DICER1: variants seen among roughly 807,000 people sequenced by gnomAD.
DICER1 encodes the protein endoribonuclease Dicer.
A neutral mutation model predicts 194.1 loss-of-function variants in DICER1; 43 were observed. That is an observed-to-expected ratio of 0.22 (90% confidence interval 0.17 to 0.29). The LOEUF (loss-of-function observed/expected upper bound fraction) is 0.29. DICER1 is among the 10% of genes least tolerant of loss of function. The probability of loss-of-function intolerance (pLI) is 1.00; values close to 1 mark genes in which losing one functional copy is unlikely to be tolerated. For synonymous variants in DICER1, 832 were observed against 820.5 expected (o/e 1.01, Z -0.24); for missense variants, 1,608 against 2,317.0 (o/e 0.69, Z 6.28).
chr14:95,130,822 A>AGG (rs1893890229), intron 4 of DICER1, among the ~76,000 whole-genome samples: 1 of 152,214 alleles, frequency 6.6e-6, no homozygotes, highest in Non-Finnish European at 1.5e-5. Context: ...ACATTCAGTT[A>AGG]GAGGAAGTCT....
intron 20 of DICER1, among the ~76,000 whole-genome samples, 186 bp from the exon 21 acceptor site, chr14:95,104,312 A>G (rs1312820046): frequency 6.6e-6 from 1 of 152,206 alleles, no homozygotes; most frequent in Non-Finnish European, 1.5e-5. Context: ...GGTTTTATCT[A>G]CTGCTTTAAT....
chr14:95,101,036 G>A (rs1890834010), intron 21 of DICER1, among the ~76,000 whole-genome samples: 1 of 152,220 alleles, frequency 6.6e-6, no homozygotes, highest in Non-Finnish European at 1.5e-5. Flanking sequence ...GGACTCATGG[G>A]AGGGAAATCA....
rs2140279093 is a variant in DICER1, at chr14:95,131,569, G to A, written c.378C>T (p.Asn126=). ...TTGTCCAAGATGCATTTACTTCTAG[G>A]TTTGAGTATTCCCCAACCTTGAGAT... ...HSDLKVGEYS[N]LEVNASWTKE... Residue 126 remains asparagine, a synonymous_variant, in exon 4 of 27, where the codon AAC becomes AAT. Transcript: ENST00000343455. 2 of 1,613,282 alleles carry A rather than the reference G, an allele frequency of 1.2e-6. No individual in the cohort carries two copies. Among genetic ancestry groups the A allele is most frequent in the Non-Finnish European group, 1.7e-6 (2 of 1,179,268 alleles).
chr14:95,102,834 A>G (rs1891004861), intron 21 of DICER1, among the ~76,000 whole-genome samples: 1 of 152,086 alleles, frequency 6.6e-6, no homozygotes, highest in Non-Finnish European at 1.5e-5. Flanking sequence ...CACACTGGAG[A>G]GCAGCCAAGC....
At chr14:95,133,541 C>G in intron 1 of DICER1, 38 bp from the exon 2 acceptor site, 2 of 1,442,122 alleles carry the variant, frequency 1.4e-6, no homozygotes, top group Non-Finnish European at 1.9e-6. Context: ...CACAATCATG[C>G]AGGGTTAAAA....
In DICER1 at chr14:95,111,344, C is replaced by T. The variant is rs753276132; in HGVS notation, c.2229G>A (p.Thr743=). ...CTTTTGGGTAGCACTGCCTTCGTTT[C>T]GTGGAACCTGGTCTTCCTGGAACAC... The part of the protein sequence containing the change: ...ETSVPGRPGS[T]KRRQCYPKAI... Residue 743 remains threonine, a synonymous_variant, in exon 14 of 27, where the codon ACG becomes ACA. Transcript: ENST00000343455. 26 of 1,614,064 alleles carry T rather than the reference C, an allele frequency of 1.6e-5. No individual in the cohort carries two copies. Among genetic ancestry groups the T allele is most frequent in the Non-Finnish European group, 2.0e-5 (24 of 1,180,036 alleles).
intron 26 of DICER1, 83 bp from the exon 27 acceptor site, chr14:95,090,746 G>A: frequency 1.3e-6 from 2 of 1,501,890 alleles, no homozygotes; most frequent in Admixed American, 1.7e-5. Flanking sequence ...GCACTCTCAG[G>A]CCAGGAGTCC....
At chr14:95,135,179 C>CCTCCACAATT (rs1467383648) in intron 1 of DICER1, among the ~76,000 whole-genome samples, 1 of 152,208 alleles carries the variant, frequency 6.6e-6, no homozygotes, top group African/African-American at 2.4e-5. Flanking sequence ...TCTCGTGATA[C>CCTCCACAATT]CTCCACAATT....
chr14:95,115,573 T>G lies in DICER1; in HGVS notation c.1907+94A>C, dbSNP rs1364586382. On this transcript the variant is annotated intron_variant, in intron 11 of 26. Transcript: ENST00000343455. ...TATGGCAAGTCTAAGTAAAGACTGG[T>G]AACCGCAAAATGTCAACAATACAAA... 2.9e-6 allele frequency: 4 copies of G among 1,388,734 alleles called. No homozygotes were observed. In the African/African-American group the frequency reaches 5.7e-5, roughly 20 times the overall value. 86.0% of individuals were successfully genotyped at this position (1,388,734 alleles called of 1,614,324 possible).
intron 17 of DICER1, among the ~76,000 whole-genome samples, chr14:95,107,221 C>T (rs1038497521): frequency 6.6e-6 from 1 of 151,870 alleles, no homozygotes; most frequent in African/African-American, 2.4e-5. Flanking sequence ...GCTAAAATCA[C>T]AGCCCACTTA....
At position 95,105,291 on chromosome 14, in the gene DICER1, C is replaced by T. The variant is rs147997452; in HGVS notation, c.3094-45G>A. ...TGGACAGATAAATACAAAGCGCACA[C>T]ACAAAAGAAAAAAAAAAAGACCAAT... On this transcript the variant is annotated intron_variant, in intron 19 of 26. Transcript: ENST00000343455. The surrounding 1 kb of genome is among the most constrained non-coding windows in gnomAD (Gnocchi z 4.9). 2.7e-6 allele frequency: 4 copies of T among 1,495,066 alleles called. No individual in the cohort carries two copies. The highest frequency in any genetic ancestry group is 1.8e-5 in the Admixed American group (1 of 55,824). The allele number at this position is 1,495,066 out of a possible 1,614,324, so 92.6% of individuals were successfully genotyped here.
chr14:95,120,416 T>C (rs576973538), intron 8 of DICER1, among the ~76,000 whole-genome samples: 1 of 152,352 alleles, frequency 6.6e-6, no homozygotes, highest in East Asian at 1.9e-4. Flanking sequence ...GGAGGTATTA[T>C]TTCCATTTTA....
In DICER1 at chr14:95,144,065, GAA is replaced by G. The variant is rs1894980258; in HGVS notation, c.-45-10564_-45-10563del. On this transcript the variant is annotated intron_variant, in intron 1 of 26. Transcript: ENST00000343455. ...CTTCCCTTTTCTAAGTTGTAGAGCA[GAA>G]AAAGTCTCAGATGTTTTTAGCTAAC... is the stretch of plus-strand genomic sequence containing the variant. Among the ~76,000 whole-genome samples the G allele has an allele frequency of 2.0e-5, 3 of 152,298 alleles. No homozygotes were observed. The South Asian group carries it at 6.2e-4, about 32-fold the overall frequency.
chr14:95,148,469 T>C (rs1895288857), intron 1 of DICER1, among the ~76,000 whole-genome samples: 1 of 152,244 alleles, frequency 6.6e-6, no homozygotes, highest in Non-Finnish European at 1.5e-5. Context: ...ATATATATTT[T>C]ACAGTATCAT....
chr14:95,090,137 G>A lies in DICER1; in HGVS notation c.*361C>T, dbSNP rs1015381767. ...GGACTGCTGGAGGTTTAAGCTCCAT[G>A]GCCTTCTAACACTAAGCAAAGCTGA... On this transcript the variant is annotated 3_prime_UTR_variant, in exon 27 of 27. Coordinates refer to ENST00000343455, the MANE Select transcript of DICER1 (RefSeq NM_177438.3). The A allele has an allele frequency of 2.0e-5, 8 of 399,514 alleles. No individual in the cohort carries two copies. Among genetic ancestry groups the A allele is most frequent in the African/African-American group, 1.6e-4 (8 of 48,504 alleles). 24.7% of individuals were successfully genotyped at this position (399,514 alleles called of 1,614,324 possible).
rs781713298 is a variant in DICER1 at position 95,129,563 on chromosome 14, C to T, written c.643G>A (p.Asp215Asn). The change falls in exon 6 of 27, where the codon GAT (aspartate) becomes AAT (asparagine). Residue 215 changes from aspartate to asparagine, a missense_variant. Asp to Asn is a conservative substitution (Grantham distance 23). Transcript: ENST00000343455. ...ATCTTTTCTTCCAATTCCTCTGGAT[C>T]ACATTTCCCATTTAAAATGGAAGCA... Reference protein sequence around the residue: ...LTASILNGKCDPEELEEKIQK... With the variant: ...LTASILNGKCNPEELEEKIQK... 2.5e-6 allele frequency: 4 copies of T among 1,613,720 alleles called. No homozygotes were observed. The South Asian group carries it at 4.4e-5, about 18-fold the overall frequency.
In DICER1 at chr14:95,112,172, C is replaced by A; in HGVS notation, c.2116G>T (p.Gly706Cys). ...GTATATGCTTTTCAAACATCCTTAC[C>A]AATTTTGTGCAGTTTCTCACAGCAA... ...LICCEKLHKIGELDDHLMPVG... is the reference protein window; with the variant it reads ...LICCEKLHKICELDDHLMPVG... The change falls in exon 13 of 27, where the codon GGC (glycine) becomes TGC (cysteine). Residue 706 changes from glycine to cysteine, a missense_variant and splice_region_variant. This residue lies in a region of DICER1 where 657 missense variants were observed against 910.1 expected (regional missense o/e 0.72). Transcript: ENST00000343455. 6.2e-7 allele frequency: 1 copy of A among 1,613,344 alleles called. No individual in the cohort carries two copies. Among genetic ancestry groups the A allele is most frequent in the Non-Finnish European group, 8.5e-7 (1 of 1,179,412 alleles).
At position 95,105,062 on chromosome 14, in the gene DICER1, C is replaced by A. The variant is rs761821180; in HGVS notation, c.3269+9G>T. The A allele has an allele frequency of 6.2e-7, 1 of 1,613,554 alleles. No individual in the cohort carries two copies. Among genetic ancestry groups the A allele is most frequent in the Non-Finnish European group, 8.5e-7 (1 of 1,179,794 alleles). ...TCTGTGTTCTTTCTGGCTGACTGCA[C>A]AGGCATACCTAAAATCCGCAGGAAG... On this transcript the variant is annotated intron_variant, in intron 20 of 26. Coordinates refer to ENST00000343455, the MANE Select transcript of DICER1 (RefSeq NM_177438.3). The surrounding 1 kb of genome is among the most constrained non-coding windows in gnomAD (Gnocchi z 4.9).
intron 20 of DICER1, 115 bp downstream of exon 20, chr14:95,104,953 CATT>C (rs1270664517): frequency 5.1e-6 from 5 of 983,552 alleles, no homozygotes; most frequent in Non-Finnish European, 7.9e-6. Context: ...ATAAGATATC[CATT>C]ATTTTCTTTT....
Sources: allele counts gnomAD v4.1 joint callset (sites outside exome capture counted in the v4.1 genomes callset), GRCh38; gene constraint gnomAD v4.1.1; regional missense constraint gnomAD v4.1.1; non-coding constraint Gnocchi (gnomAD v3.1); transcripts MANE v1.5; gene names NCBI Gene and HGNC (gene_info 2026-07-23, HGNC 2026-07-21).